The following XKR9 variants were observed in gnomAD, a reference collection of about 807,000 sequenced individuals.
XKR9 encodes the protein XK related 9.
In XKR9, 32 loss-of-function variants were observed where a neutral mutation model predicts 32.0. That is an observed-to-expected ratio of 1.00 (90% CI 0.76 to 1.34). The LOEUF (loss-of-function observed/expected upper bound fraction) is 1.34, where lower values mean the gene tolerates loss of function less well. Ranked by LOEUF, XKR9 falls within the 40% of genes most tolerant of loss-of-function variation. The pLI is 0.00. For missense variants in XKR9, 546 were observed against 429.7 expected, an observed-to-expected ratio of 1.27 and a Z score of -2.39; for synonymous variants, 168 against 143.4, an observed-to-expected ratio of 1.17 and a Z score of -1.22.
the XKR9 span, among the ~76,000 whole-genome samples, chr8:70,829,561 G>A: frequency 4.6e-5 from 7 of 152,162 alleles, no homozygotes; most frequent in Non-Finnish European, 7.3e-5. Flanking sequence ...CCATTCTCCT[G>A]CCTCAGCCTC....
the XKR9 span, among the ~76,000 whole-genome samples, chr8:70,912,584 C>T: frequency 6.6e-6 from 1 of 152,044 alleles, no homozygotes; most frequent in Non-Finnish European, 1.5e-5. Context: ...AAGTTTTTGA[C>T]ATATTGAATC....
chr8:70,709,684 G>T (rs1805843052), intron 4 of XKR9, among the ~76,000 whole-genome samples: 1 of 152,096 alleles, frequency 6.6e-6, no homozygotes, highest in African/African-American at 2.4e-5. Context: ...AATCAAGAAT[G>T]CAATCCCTTT....
the XKR9 span, among the ~76,000 whole-genome samples, chr8:70,897,366 A>G: frequency 1.3e-5 from 2 of 152,182 alleles, no homozygotes; most frequent in South Asian, 4.1e-4. Flanking sequence ...ATATCTCTTC[A>G]GTATACTGAT....
intron 2 of XKR9, among the ~76,000 whole-genome samples, chr8:70,766,785 T>C (rs1377287320): frequency 6.6e-6 from 1 of 152,238 alleles, no homozygotes; most frequent in Non-Finnish European, 1.5e-5. Flanking sequence ...ATACCTAGTT[T>C]CATGAGTGTT....
intron 4 of XKR9, among the ~76,000 whole-genome samples, chr8:70,714,475 T>C (rs151224740): frequency 5.5e-4 from 84 of 152,184 alleles, no homozygotes; most frequent in African/African-American, 2.0e-3. Context: ...TTGATGATTT[T>C]ATAATATAAT....
At chr8:70,754,280 G>A (rs999731324) in intron 2 of XKR9, among the ~76,000 whole-genome samples, 4 of 147,044 alleles carry the variant, frequency 2.7e-5, no homozygotes, top group African/African-American at 9.7e-5. Context: ...CAAACAAATG[G>A]GAGAACATTC....
chr8:70,992,883 A>T, the XKR9 span, among the ~76,000 whole-genome samples: 1 of 152,234 alleles, frequency 6.6e-6, no homozygotes, highest in Admixed American at 6.5e-5. Context: ...AGACACTAGC[A>T]GTAGCTGGAC....
At chr8:70,721,376 T>A (rs1674621525) in intron 4 of XKR9, among the ~76,000 whole-genome samples, 1 of 152,188 alleles carries the variant, frequency 6.6e-6, no homozygotes. Flanking sequence ...CTTTTCTAGT[T>A]CTTTTAATTG....
chr8:70,837,079 A>T, the XKR9 span, among the ~76,000 whole-genome samples: 1 of 152,170 alleles, frequency 6.6e-6, no homozygotes, highest in Non-Finnish European at 1.5e-5. Context: ...TAGGTCTATG[A>T]CGAGCGGGTT....
the XKR9 span, among the ~76,000 whole-genome samples, chr8:70,851,288 C>T: frequency 6.6e-6 from 1 of 152,064 alleles, no homozygotes; most frequent in Non-Finnish European, 1.5e-5. Flanking sequence ...AGAGAGCACA[C>T]AAACAAATGG....
At chr8:70,905,608 G>A in the XKR9 span, among the ~76,000 whole-genome samples, 1 of 152,108 alleles carries the variant, frequency 6.6e-6, no homozygotes, top group Non-Finnish European at 1.5e-5. Context: ...CCAATCATCT[G>A]AAGCCTTCTT....
chr8:70,884,726 T>A, the XKR9 span, among the ~76,000 whole-genome samples: 1 of 152,198 alleles, frequency 6.6e-6, no homozygotes, highest in Non-Finnish European at 1.5e-5. Flanking sequence ...GGATCCTCTA[T>A]CTTGTTCCAT....
chr8:71,019,634 G>T, the XKR9 span, among the ~76,000 whole-genome samples: 1 of 152,154 alleles, frequency 6.6e-6, no homozygotes, highest in Non-Finnish European at 1.5e-5. Context: ...GGTTGAGGTT[G>T]ATTAACTTTT....
At chr8:70,708,822 A>G (rs954629559) in intron 4 of XKR9, among the ~76,000 whole-genome samples, 2 of 152,148 alleles carry the variant, frequency 1.3e-5, no homozygotes, top group Non-Finnish European at 2.9e-5. Flanking sequence ...CCTACCAACC[A>G]GAAAAAACCT....
the XKR9 span, among the ~76,000 whole-genome samples, chr8:70,833,767 C>A: frequency 1.0e-3 from 152 of 152,238 alleles, 2 homozygotes; most frequent in African/African-American, 3.4e-3. Flanking sequence ...AGATTTGAAT[C>A]CCTTCATTAT....
chr8:70,686,179 G>A (rs952642273), intron 3 of XKR9, among the ~76,000 whole-genome samples: 2 of 150,396 alleles, frequency 1.3e-5, no homozygotes, highest in African/African-American at 4.9e-5. Flanking sequence ...AATTCACAGT[G>A]GTGTTTTCTT....
intron 2 of XKR9, among the ~76,000 whole-genome samples, chr8:70,776,816 G>A (rs989916917): frequency 4.6e-5 from 7 of 151,496 alleles, no homozygotes; most frequent in African/African-American, 1.5e-4. Context: ...TTTTACTGAT[G>A]CCTTTGATTA....
chr8:70,776,208 A>G (rs1050438850), intron 2 of XKR9, among the ~76,000 whole-genome samples: 3 of 152,150 alleles, frequency 2.0e-5, no homozygotes, highest in African/African-American at 7.2e-5. Flanking sequence ...TTTTATTTAT[A>G]GGAAGGGCTT....
At chr8:70,883,351 C>T in the XKR9 span, among the ~76,000 whole-genome samples, 1 of 151,936 alleles carries the variant, frequency 6.6e-6, no homozygotes, top group Non-Finnish European at 1.5e-5. Flanking sequence ...TGTATATATA[C>T]CACATTTTTT....
Sources: gnomAD v4.1 joint callset for allele counts (sites outside exome capture counted in the v4.1 genomes callset) on GRCh38, gnomAD v4.1.1 for gene constraint, MANE v1.5 for transcripts, NCBI Gene and HGNC (gene_info 2026-07-23, HGNC 2026-07-21) for gene names.